Variants in SGK1 observed in about 807,000 individuals in gnomAD.
SGK1 encodes the protein serine/threonine-protein kinase Sgk1.
Under a neutral mutation model 64.2 loss-of-function variants are expected in SGK1, and 26 were observed. That is an observed-to-expected ratio of 0.40 (90% confidence interval 0.30 to 0.56). The LOEUF (loss-of-function observed/expected upper bound fraction) is 0.56, where lower values mean the gene tolerates loss of function less well. SGK1 is among the 20% of genes least tolerant of loss of function. SGK1 has a pLI of 0.38. For synonymous variants in SGK1, 265 were observed against 239.7 expected, an observed-to-expected ratio of 1.11 and a Z score of -0.98; for missense variants, 519 against 645.6, an observed-to-expected ratio of 0.80 and a Z score of 2.12.
intron 3 of SGK1, among the ~76,000 whole-genome samples, chr6:134,206,367 ATATATATATATATATATTT>A (rs1775777579): frequency 1.2e-4 from 1 of 8,258 alleles, no homozygotes; most frequent in African/African-American, 2.5e-4. Flanking sequence ...ATATATATAT[ATATATATATATATATATTT>A]TTTTTTTTTT....
chr6:134,191,257 A>G (rs929717374), intron 3 of SGK1, among the ~76,000 whole-genome samples: 5 of 152,216 alleles, frequency 3.3e-5, no homozygotes, highest in African/African-American at 1.2e-4. Context: ...TGCTATTCAT[A>G]AAATCATGAG....
At chr6:134,256,599 A>T (rs1389899098) in intron 2 of SGK1, among the ~76,000 whole-genome samples, 1 of 152,192 alleles carries the variant, frequency 6.6e-6, no homozygotes, top group Non-Finnish European at 1.5e-5. Flanking sequence ...TTTAGTCAGC[A>T]TACACCTCTC....
rs117393716 is a variant in SGK1 at position 134,170,461 on chromosome 6, T to C, written c.1414-26A>G. The C allele has an allele frequency of 7.7e-3, 12,300 of 1,599,394 alleles. 59 individuals carry two copies. Among genetic ancestry groups the C allele is most frequent in the Non-Finnish European group, 9.7e-3 (11,291 of 1,169,508 alleles). Reference sequence around the variant, plus strand: ...CTGTGACGGGAAGGGAAAAACACTCTTGTCAAGAACTCACACTAGACACAG... The same window carrying C: ...CTGTGACGGGAAGGGAAAAACACTCCTGTCAAGAACTCACACTAGACACAG... On this transcript the variant is annotated intron_variant, in intron 13 of 13. Transcript: ENST00000367858.
intron 1 of SGK1, chr6:134,297,180 G>T: frequency 1.4e-6 from 1 of 715,036 alleles, no homozygotes; most frequent in Non-Finnish European, 2.5e-6. Context: ...GCCGCTGGTG[G>T]TCTTCGTATG....
At chr6:134,236,639 G>A (rs1743943) in intron 2 of SGK1, among the ~76,000 whole-genome samples, 127,447 of 151,664 alleles carry the variant, frequency 0.84, 54,203 homozygotes, top group East Asian at 1. Context: ...AAATAAATAA[G>A]TAAATAATGA....
chr6:134,184,753 G>A (rs547611991), intron 3 of SGK1, among the ~76,000 whole-genome samples: 1 of 152,022 alleles, frequency 6.6e-6, no homozygotes, highest in African/African-American at 2.4e-5. Context: ...CTGTAATCAC[G>A]GCTCACCACA....
chr6:134,277,606 C>A (rs1390029482), intron 1 of SGK1, among the ~76,000 whole-genome samples: 1 of 152,040 alleles, frequency 6.6e-6, no homozygotes, highest in Admixed American at 6.6e-5. Flanking sequence ...GAAATGCCAT[C>A]CTACAGCCTC....
intron 2 of SGK1, among the ~76,000 whole-genome samples, chr6:134,216,754 T>C (rs184121336): frequency 3.3e-5 from 5 of 152,310 alleles, no homozygotes; most frequent in African/African-American, 1.2e-4. Context: ...AGCAATAATA[T>C]GGGCAAAGTT....
chr6:134,315,346 T>C (rs990433423), intron 1 of SGK1, among the ~76,000 whole-genome samples: 2 of 152,152 alleles, frequency 1.3e-5, no homozygotes, highest in South Asian at 2.1e-4. Flanking sequence ...CAGCAACTGA[T>C]AGACCCAGGT....
intron 1 of SGK1, among the ~76,000 whole-genome samples, chr6:134,311,033 G>A (rs1318709339): frequency 6.6e-6 from 1 of 152,222 alleles, no homozygotes; most frequent in Non-Finnish European, 1.5e-5. Flanking sequence ...CAGCAAATAA[G>A]CTGAGGTCAA....
intron 3 of SGK1, among the ~76,000 whole-genome samples, chr6:134,184,343 AT>A (rs1442556964): frequency 6.6e-6 from 1 of 151,676 alleles, no homozygotes; most frequent in Non-Finnish European, 1.5e-5. Flanking sequence ...CTTAAAAAAA[AT>A]ATATACAAAA....
chr6:134,251,232 A>C (rs889480162), intron 2 of SGK1, among the ~76,000 whole-genome samples: 1 of 151,816 alleles, frequency 6.6e-6, no homozygotes, highest in Non-Finnish European at 1.5e-5. Flanking sequence ...AAATAACTGC[A>C]AAAAAAATGA....
intron 2 of SGK1, among the ~76,000 whole-genome samples, chr6:134,241,119 G>A (rs1262208473): frequency 1.4e-5 from 2 of 145,050 alleles, no homozygotes; most frequent in Non-Finnish European, 3.0e-5. Flanking sequence ...GCATGATCTC[G>A]GCTCACTGCA....
chr6:134,175,014 G>A (rs1415255929), intron 3 of SGK1: 1 of 1,071,308 alleles, frequency 9.3e-7, no homozygotes, highest in Non-Finnish European at 1.3e-6. Context: ...GCCTGCGGCG[G>A]GCGGTTCTGT....
intron 1 of SGK1, among the ~76,000 whole-genome samples, chr6:134,311,064 G>A (rs1777601836): frequency 6.6e-6 from 1 of 152,204 alleles, no homozygotes. Flanking sequence ...GTACCCACCA[G>A]CTCTGAAGGG....
chr6:134,221,163 G>C (rs1443742426), intron 2 of SGK1, among the ~76,000 whole-genome samples: 6 of 151,878 alleles, frequency 4.0e-5, no homozygotes, highest in Non-Finnish European at 8.8e-5. Flanking sequence ...TATTAGCTGG[G>C]CGTGGTAGTG....
intron 3 of SGK1, among the ~76,000 whole-genome samples, chr6:134,191,835 A>ATTT (rs71003671): frequency 6.5e-5 from 4 of 61,202 alleles, no homozygotes; most frequent in East Asian, 9.2e-4. Flanking sequence ...CGCCCGGCTG[A>ATTT]TTTTTTTTTT....
At chr6:134,196,078 T>G (rs1475052853) in intron 3 of SGK1, among the ~76,000 whole-genome samples, 1 of 152,222 alleles carries the variant, frequency 6.6e-6, no homozygotes, top group Non-Finnish European at 1.5e-5. Context: ...CTGCATTATC[T>G]TTTTTAATCC....
At chr6:134,264,182 C>G (rs988698411) in intron 1 of SGK1, among the ~76,000 whole-genome samples, 3 of 150,964 alleles carry the variant, frequency 2.0e-5, no homozygotes, top group Admixed American at 6.6e-5. Flanking sequence ...TACAGTGGCG[C>G]GATCTCAGCT....
Sources: gnomAD v4.1 joint callset for allele counts (sites outside exome capture counted in the v4.1 genomes callset) on GRCh38, gnomAD v4.1.1 for gene constraint, MANE v1.5 for transcripts, NCBI Gene and HGNC (gene_info 2026-07-23, HGNC 2026-07-21) for gene names.